Variants in CFAP107 observed in about 807,000 individuals in gnomAD.
CFAP107 encodes the protein cilia- and flagella-associated protein 107.
At chr1:12,751,223 C>T in the CFAP107 span, among the ~76,000 whole-genome samples, 1 of 150,392 alleles carries the variant, frequency 6.6e-6, no homozygotes, top group Non-Finnish European at 1.5e-5. Context: ...TTTAAGAAAA[C>T]AGAAAAAAAA....
the CFAP107 span, chr1:12,762,529 A>G: frequency 6.6e-6 from 1 of 152,378 alleles, no homozygotes; most frequent in Non-Finnish European, 1.5e-5. Context: ...AGTTGAACAA[A>G]TGAGTTGAAT....
At chr1:12,746,560 T>G in the CFAP107 span, 1 of 1,570,782 alleles carries the variant, frequency 6.4e-7, no homozygotes, top group Non-Finnish European at 8.8e-7. Flanking sequence ...ACGAGAGAGG[T>G]TGGAGAGAGG....
the CFAP107 span, chr1:12,759,674 C>A: frequency 1.4e-6 from 1 of 701,584 alleles, no homozygotes; most frequent in Non-Finnish European, 2.5e-6. Flanking sequence ...TCCCTTTGAC[C>A]TGGGGTAATC....
chr1:12,763,300 C>T, the CFAP107 span: 2 of 152,200 alleles, frequency 1.3e-5, no homozygotes, highest in East Asian at 1.9e-4. Flanking sequence ...TATGTTGGGC[C>T]ACATTCAGCC....
chr1:12,761,650 C>G, the CFAP107 span: 1 of 151,600 alleles, frequency 6.6e-6, no homozygotes, highest in African/African-American at 2.4e-5. Context: ...GATTCTTTTG[C>G]CTCAGCCTCC....
chr1:12,752,552 G>A, the CFAP107 span, among the ~76,000 whole-genome samples: 1 of 73,500 alleles, frequency 1.4e-5, no homozygotes, highest in African/African-American at 7.0e-5. Context: ...GGCCGACTCT[G>A]TCTAAAAAAA....
chr1:12,749,468 G>T, the CFAP107 span, among the ~76,000 whole-genome samples: 1 of 152,166 alleles, frequency 6.6e-6, no homozygotes, highest in African/African-American at 2.4e-5. Flanking sequence ...CAAATTAGCT[G>T]GGCACAGTGG....
the CFAP107 span, chr1:12,753,451 A>C: frequency 6.6e-6 from 1 of 152,164 alleles, no homozygotes; most frequent in African/African-American, 2.4e-5. Context: ...GAAGACTCAC[A>C]TGTCTCAGTT....
At chr1:12,746,946 G>T in the CFAP107 span, among the ~76,000 whole-genome samples, 1 of 151,872 alleles carries the variant, frequency 6.6e-6, no homozygotes, top group Non-Finnish European at 1.5e-5. Context: ...CCTCATTCTG[G>T]CCCTTCCCAG....
the CFAP107 span, among the ~76,000 whole-genome samples, chr1:12,756,833 A>T: frequency 6.6e-6 from 1 of 152,140 alleles, no homozygotes; most frequent in Non-Finnish European, 1.5e-5. Flanking sequence ...GTTGTTAGGG[A>T]TGAAGCAAGT....
the CFAP107 span, chr1:12,759,349 C>T: frequency 6.2e-7 from 1 of 1,614,100 alleles, no homozygotes; most frequent in Non-Finnish European, 8.5e-7. Context: ...CCACCAGGAG[C>T]CCCCACATCG....
chr1:12,746,424 C>A, the CFAP107 span: 1 of 1,609,376 alleles, frequency 6.2e-7, no homozygotes, highest in East Asian at 2.2e-5. Context: ...TGGGGCAAAT[C>A]CTTAACATGT....
chr1:12,757,596 G>A, the CFAP107 span, among the ~76,000 whole-genome samples: 1 of 152,034 alleles, frequency 6.6e-6, no homozygotes, highest in Non-Finnish European at 1.5e-5. Flanking sequence ...ATGTTGGTCA[G>A]GCTAGTCCTG....
chr1:12,747,203 G>A, the CFAP107 span, among the ~76,000 whole-genome samples: 1 of 151,998 alleles, frequency 6.6e-6, no homozygotes, highest in African/African-American at 2.4e-5. Context: ...AAGTAGCTGG[G>A]ACTACAAGTG....
At chr1:12,754,208 T>C in the CFAP107 span, among the ~76,000 whole-genome samples, 17 of 152,130 alleles carry the variant, frequency 1.1e-4, no homozygotes, top group African/African-American at 3.9e-4. Context: ...GATTAAAAAA[T>C]GACAAAGGAG....
chr1:12,746,582 C>T, the CFAP107 span: 1 of 1,402,194 alleles, frequency 7.1e-7, no homozygotes, highest in Admixed American at 1.7e-5. Context: ...CTCAGAGGGA[C>T]TGATGGGGAG....
the CFAP107 span, among the ~76,000 whole-genome samples, chr1:12,754,816 A>G: frequency 6.6e-6 from 1 of 152,210 alleles, no homozygotes; most frequent in Admixed American, 6.5e-5. Flanking sequence ...GCAAGTTCAT[A>G]CAGAGAAAGT....
chr1:12,755,834 G>A, the CFAP107 span: 9 of 1,514,618 alleles, frequency 5.9e-6, no homozygotes, highest in African/African-American at 1.1e-4. Flanking sequence ...GTGGCAACTG[G>A]GACACTCAGG....
At chr1:12,746,614 C>A in the CFAP107 span, 1 of 1,119,192 alleles carries the variant, frequency 8.9e-7, no homozygotes. Context: ...AAGTTCATCA[C>A]TATTTTCAAA....
Sources: allele counts gnomAD v4.1 joint callset (sites outside exome capture counted in the v4.1 genomes callset), GRCh38; gene constraint gnomAD v4.1.1; transcripts MANE v1.5; gene names NCBI Gene and HGNC (gene_info 2026-07-23, HGNC 2026-07-21).